The following COL28A1 variants were observed in gnomAD, a reference collection of about 807,000 sequenced individuals.
COL28A1 encodes the protein collagen type XXVIII alpha 1 chain.
A neutral mutation model predicts 150.2 loss-of-function variants in COL28A1; 161 were observed. The observed-to-expected ratio is 1.07, with a 90% CI of 0.94 to 1.22. COL28A1 has a LOEUF of 1.22. Among genes scored for constraint, COL28A1 ranks in the 50% most tolerant of loss-of-function variants. The pLI is 0.00. For synonymous variants in COL28A1, 552 were observed against 469.7 expected (o/e 1.18, Z -2.26); for missense variants, 1,617 against 1,388.3 (o/e 1.16, Z -2.62).
At chr7:7,412,313 T>C (rs1783834862) in intron 27 of COL28A1, among the ~76,000 whole-genome samples, 1 of 151,974 alleles carries the variant, frequency 6.6e-6, no homozygotes, top group Non-Finnish European at 1.5e-5. Context: ...TGGAAGAAAA[T>C]CACCCACCAA....
chr7:7,411,409 C>A (rs1041501765), intron 27 of COL28A1, among the ~76,000 whole-genome samples: 4 of 152,156 alleles, frequency 2.6e-5, no homozygotes, highest in Non-Finnish European at 4.4e-5. Context: ...CATCTTCACA[C>A]CCCTGTTTGG....
chr7:7,416,995 A>T lies in COL28A1; in HGVS notation c.2136+864T>A, dbSNP rs183835595. ...AGTTTCAAAGCTTAAGCATGGTAAA[A>T]ATATATATATATATAAATGTATGTA... On this transcript the variant is annotated intron_variant, in intron 27 of 34. Coordinates refer to ENST00000399429, the MANE Select transcript of COL28A1 (RefSeq NM_001037763.3). Among the ~76,000 whole-genome samples the T allele has an allele frequency of 5.0e-4, 76 of 151,092 alleles. 2 individuals carry two copies. The East Asian group carries it at 0.012, about 25-fold the overall frequency.
At chr7:7,368,389 G>GTTTTTTTTTGTTGTTT (rs34289231) in intron 33 of COL28A1, among the ~76,000 whole-genome samples, 2 of 150,126 alleles carry the variant, frequency 1.3e-5, no homozygotes, top group African/African-American at 5.0e-5. Flanking sequence ...TTTGCCTACT[G>GTTTTTTTTTGTTGTTT]TTTTTTTTGT....
chr7:7,429,473 T>TGGGG (rs748310656), intron 25 of COL28A1, among the ~76,000 whole-genome samples: 1 of 107,036 alleles, frequency 9.3e-6, no homozygotes, highest in African/African-American at 3.5e-5. Flanking sequence ...TGTGTGTGTG[T>TGGGG]GGGGGGGGGG....
intron 24 of COL28A1, 34 bp from the exon 25 acceptor site, chr7:7,432,575 C>G: frequency 1.2e-6 from 2 of 1,608,254 alleles, no homozygotes; most frequent in Non-Finnish European, 1.7e-6. Flanking sequence ...GAGTGAGCAT[C>G]CTTGTAGTAT....
chr7:7,418,225 C>T (rs1473437329), intron 26 of COL28A1, among the ~76,000 whole-genome samples: 1 of 152,212 alleles, frequency 6.6e-6, no homozygotes, highest in Admixed American at 6.5e-5. Flanking sequence ...CTTCACTGCC[C>T]TACCACCAAG....
chr7:7,367,992 A>T (rs777894963), intron 33 of COL28A1, among the ~76,000 whole-genome samples: 1 of 151,900 alleles, frequency 6.6e-6, no homozygotes, highest in Non-Finnish European at 1.5e-5. Flanking sequence ...TGGCTTTTCA[A>T]TCTGTGCCTC....
intron 27 of COL28A1, among the ~76,000 whole-genome samples, chr7:7,411,494 C>A (rs755654743): frequency 6.6e-6 from 1 of 152,168 alleles, no homozygotes; most frequent in African/African-American, 2.4e-5. Flanking sequence ...AGGAGCCTAA[C>A]TGCTACTCCT....
Position 7,380,665 on chromosome 7 carries a change from G to C in COL28A1, c.2317C>G (p.Leu773Val), listed in dbSNP as rs1445607758. 6.2e-7 allele frequency: 1 copy of C among 1,613,490 alleles called. No individual in the cohort carries two copies. Among genetic ancestry groups the C allele is most frequent in the Non-Finnish European group, 8.5e-7 (1 of 1,179,430 alleles). ...GLQGPKGDLG[L>V]TKEEIIKLIT... ...CCTCTAGAATGGATACTCACTGTAAGTCCTAGGTCTCCTTTGGGTCCTTGT... is the reference window on the plus strand; with the variant it reads ...CCTCTAGAATGGATACTCACTGTAACTCCTAGGTCTCCTTTGGGTCCTTGT... Residue 773 changes from leucine to valine, a missense_variant, in exon 30 of 35, where the codon CTT becomes GTT. By Grantham distance (32) the Leu-to-Val change is conservative. Transcript: ENST00000399429.
rs536389732 is a variant in COL28A1 at position 7,463,639 on chromosome 7, C to T, written c.1303-7527G>A. Among the ~76,000 whole-genome samples the T allele has an allele frequency of 2.0e-4, 31 of 152,278 alleles. No homozygotes were observed. The South Asian group carries it at 6.4e-3, about 32-fold the overall frequency. ...CAAATGCTGAGAGAATTTGCCACTA[C>T]CAACCCAGCACTACAAGAACTGCCA... is the stretch of plus-strand genomic sequence containing the variant. On this transcript the variant is annotated intron_variant, in intron 15 of 34. Coordinates refer to ENST00000399429, the MANE Select transcript of COL28A1 (RefSeq NM_001037763.3).
chr7:7,393,447 G>A (rs931054092), intron 27 of COL28A1, among the ~76,000 whole-genome samples: 1 of 152,222 alleles, frequency 6.6e-6, no homozygotes, highest in Non-Finnish European at 1.5e-5. Flanking sequence ...ACCCACTTGA[G>A]GAGGCAGTCT....
At chr7:7,446,467 T>C (rs1436128210) in intron 18 of COL28A1, among the ~76,000 whole-genome samples, 2 of 152,114 alleles carry the variant, frequency 1.3e-5, no homozygotes, top group African/African-American at 2.4e-5. Context: ...CTCTACTTTC[T>C]CTCTCTCCAA....
chr7:7,483,385 C>T (rs1036722617), intron 13 of COL28A1, among the ~76,000 whole-genome samples: 2 of 152,076 alleles, frequency 1.3e-5, no homozygotes, highest in East Asian at 3.9e-4. Flanking sequence ...TAGAAAAAAG[C>T]CATCCCATCA....
chr7:7,521,374 GC>G (rs1781715268), intron 5 of COL28A1, among the ~76,000 whole-genome samples: 1 of 152,110 alleles, frequency 6.6e-6, no homozygotes, highest in African/African-American at 2.4e-5. Flanking sequence ...AGTCAATCCT[GC>G]CATTTATTTT....
rs193146404 is a variant in COL28A1, at chr7:7,505,950, T to G, written c.1026+64A>C. 26 of 849,272 alleles carry G rather than the reference T, an allele frequency of 3.1e-5. No individual in the cohort carries two copies. In the African/African-American group the frequency reaches 4.1e-4, roughly 13 times the overall value. The allele number at this position is 849,272 out of a possible 1,614,324, so 52.6% of individuals were successfully genotyped here. A position where few individuals can be genotyped will look rare whatever the true frequency, so the allele number is the denominator to read the frequency against. Reference sequence around the variant, plus strand: ...CCATTGACTTTTACCTAATAAAACATACATTACTATAGCGCACTAGGGGAA... The same window carrying G: ...CCATTGACTTTTACCTAATAAAACAGACATTACTATAGCGCACTAGGGGAA... On this transcript the variant is annotated intron_variant, in intron 11 of 34. Transcript: ENST00000399429.
chr7:7,421,126 A>T (rs964994089), intron 25 of COL28A1, among the ~76,000 whole-genome samples: 4 of 152,250 alleles, frequency 2.6e-5, no homozygotes, highest in Admixed American at 2.0e-4. Flanking sequence ...AAGTGCTGTA[A>T]ATTCAGCAAT....
Position 7,358,724 on chromosome 7 carries a change from G to C in COL28A1, c.3287C>G (p.Ser1096Cys). Residue 1096 changes from serine to cysteine, a missense_variant, in exon 35 of 35, where the codon TCT (serine) becomes TGT (cysteine). Ser to Cys is a moderately radical substitution (Grantham distance 112). Coordinates refer to ENST00000399429, the MANE Select transcript of COL28A1 (RefSeq NM_001037763.3). Reference sequence around the variant, plus strand: ...GCCACTGAACCAAAATCGGGCACAAGAGTTGACCTGTTTGTCATAATACCA... The same window carrying C: ...GCCACTGAACCAAAATCGGGCACAACAGTTGACCTGTTTGTCATAATACCA... ...VRWYYDKQVNSCARFWFSGCN... is the reference protein window; with the variant it reads ...VRWYYDKQVNCCARFWFSGCN... 6.2e-7 allele frequency: 1 copy of C among 1,614,002 alleles called. No homozygotes were observed. The highest frequency in any genetic ancestry group is 1.1e-5 in the South Asian group (1 of 91,084).
chr7:7,494,985 G>A lies in COL28A1; in HGVS notation c.1027-4339C>T, dbSNP rs562932338. Among the ~76,000 whole-genome samples, 13 of 152,114 alleles carry A rather than the reference G, an allele frequency of 8.5e-5. No individual in the cohort carries two copies. The South Asian group carries it at 2.1e-3, about 24-fold the overall frequency. ...AAATGGTGTTAAATATTCTAGAGACGGTCAGCAGCCCGTGAGCCCAACAGG... is the reference window on the plus strand; with the variant it reads ...AAATGGTGTTAAATATTCTAGAGACAGTCAGCAGCCCGTGAGCCCAACAGG... On this transcript the variant is annotated intron_variant, in intron 11 of 34. Transcript: ENST00000399429.
chr7:7,374,037 A>ATG (rs1367047717), intron 31 of COL28A1, among the ~76,000 whole-genome samples: 2 of 110,174 alleles, frequency 1.8e-5, no homozygotes, highest in Non-Finnish European at 3.6e-5. Flanking sequence ...AAAAAAAAAA[A>ATG]AATATATATA....
Sources: gnomAD v4.1 joint callset for allele counts (sites outside exome capture counted in the v4.1 genomes callset) on GRCh38, gnomAD v4.1.1 for gene constraint, MANE v1.5 for transcripts, NCBI Gene and HGNC (gene_info 2026-07-23, HGNC 2026-07-21) for gene names.